LRRIQ1: variants seen among roughly 807,000 people sequenced by gnomAD.
The protein encoded by LRRIQ1 is leucine rich repeats and IQ motif containing 1.
Under a neutral mutation model 211.9 loss-of-function variants are expected in LRRIQ1, and 210 were observed. That is an observed-to-expected ratio of 0.99 (90% CI 0.89 to 1.11). The LOEUF (loss-of-function observed/expected upper bound fraction) is 1.11. LRRIQ1 is among the 50% of genes most tolerant of loss of function. The pLI is 0.00. For synonymous variants in LRRIQ1, 699 were observed against 650.1 expected, an observed-to-expected ratio of 1.08 and a Z score of -1.14; for missense variants, 2,136 against 1,939.5, an observed-to-expected ratio of 1.10 and a Z score of -1.90.
Position 85,044,831 on chromosome 12 carries a change from T to C in LRRIQ1, c.336+22T>C, listed in dbSNP as rs761249819. The C allele has an allele frequency of 6.3e-6, 7 of 1,119,954 alleles. No homozygotes were observed. The East Asian group carries it at 1.8e-4, about 28-fold the overall frequency. 69.4% of individuals were successfully genotyped at this position (1,119,954 alleles called of 1,614,324 possible). On this transcript the variant is annotated intron_variant, in intron 4 of 26. Coordinates refer to ENST00000393217, the MANE Select transcript of LRRIQ1 (RefSeq NM_001079910.2). The stretch of plus-strand genomic sequence containing the variant: ...TAAGGTATATATTCAATATTTGACT[T>C]AAAATATTCACTATTACAATTAGAA...
intron 18 of LRRIQ1, among the ~76,000 whole-genome samples, chr12:85,132,940 C>T (rs756631900): frequency 2.0e-5 from 3 of 151,544 alleles, no homozygotes; most frequent in Non-Finnish European, 4.4e-5. Flanking sequence ...TGATGGTATG[C>T]TCCATAATGG....
At chr12:85,168,093 C>T (rs1311981859) in intron 24 of LRRIQ1, among the ~76,000 whole-genome samples, 1 of 152,150 alleles carries the variant, frequency 6.6e-6, no homozygotes, top group African/African-American at 2.4e-5. Flanking sequence ...GAAGAAAATA[C>T]TCTTGACAAT....
intron 24 of LRRIQ1, among the ~76,000 whole-genome samples, chr12:85,199,306 G>A (rs893888277): frequency 6.6e-6 from 1 of 152,060 alleles, no homozygotes; most frequent in Non-Finnish European, 1.5e-5. Context: ...TAAGGAAGGG[G>A]TCCAGTTTCA....
intron 17 of LRRIQ1, 46 bp downstream of exon 17, chr12:85,124,565 C>T (rs1434977666): frequency 1.4e-6 from 2 of 1,397,250 alleles, no homozygotes; most frequent in Admixed American, 3.5e-5. Context: ...ATGTTTACTC[C>T]TTTTGATGGA....
chr12:85,240,415 A>G (rs1271891871), intron 26 of LRRIQ1, among the ~76,000 whole-genome samples: 1 of 152,178 alleles, frequency 6.6e-6, no homozygotes. Context: ...AAGCTTGTAA[A>G]GACTCTGGTA....
intron 24 of LRRIQ1, among the ~76,000 whole-genome samples, chr12:85,175,280 G>A (rs73165905): frequency 0.011 from 1,626 of 152,268 alleles, 22 homozygotes; most frequent in Non-Finnish European, 0.017. Context: ...GAGATCTCAA[G>A]ATGACAGCTC....
At chr12:85,250,200 G>A (rs1214717148) in intron 1 of LRRIQ1, among the ~76,000 whole-genome samples, 5 of 151,790 alleles carry the variant, frequency 3.3e-5, no homozygotes, top group East Asian at 1.9e-4. Flanking sequence ...TTCTTGCTCC[G>A]TAGTAAGAGG....
downstream of LRRIQ1, among the ~76,000 whole-genome samples, chr12:85,264,839 C>G (rs1395155328): frequency 6.6e-6 from 1 of 152,060 alleles, no homozygotes; most frequent in Non-Finnish European, 1.5e-5. Flanking sequence ...CTCCTGTGCT[C>G]TATATCCTAT....
chr12:85,262,960 C>T, exon 2 of LRRIQ1: 6 of 986,662 alleles, frequency 6.1e-6, no homozygotes, highest in Non-Finnish European at 7.2e-6. Context: ...ATAACAAATA[C>T]AAGACCTTCT....
intron 15 of LRRIQ1, among the ~76,000 whole-genome samples, chr12:85,119,640 G>C (rs900755712): frequency 6.6e-6 from 1 of 152,258 alleles, no homozygotes; most frequent in African/African-American, 2.4e-5. Context: ...ACGAATGTGA[G>C]TTTCTCTTGC....
chr12:85,213,801 T>A (rs192015149), intron 24 of LRRIQ1, among the ~76,000 whole-genome samples: 6 of 151,992 alleles, frequency 3.9e-5, no homozygotes, highest in African/African-American at 1.4e-4. Context: ...TAGACAACAA[T>A]AATTAATGAA....
intron 15 of LRRIQ1, among the ~76,000 whole-genome samples, chr12:85,110,942 G>T (rs1279866892): frequency 1.3e-5 from 2 of 151,976 alleles, no homozygotes; most frequent in Non-Finnish European, 2.9e-5. Flanking sequence ...CCTGTAAGTT[G>T]GGTTCTGTAA....
intron 5 of LRRIQ1, among the ~76,000 whole-genome samples, chr12:85,046,565 G>A (rs867179397): frequency 3.3e-4 from 50 of 152,198 alleles, no homozygotes; most frequent in African/African-American, 1.2e-3. Context: ...CTCGCTTTGG[G>A]AATATGTTAA....
chr12:85,256,037 G>A (rs1418348565), intron 1 of LRRIQ1, among the ~76,000 whole-genome samples: 1 of 151,594 alleles, frequency 6.6e-6, no homozygotes, highest in African/African-American at 2.4e-5. Flanking sequence ...AACATTCTAA[G>A]ACAGTTAAAT....
chr12:85,178,889 G>T (rs925657283), intron 24 of LRRIQ1, among the ~76,000 whole-genome samples: 2 of 149,694 alleles, frequency 1.3e-5, no homozygotes, highest in African/African-American at 4.9e-5. Context: ...ATACAAAAAT[G>T]AGTAGCACAT....
chr12:85,225,337 G>A (rs1592995021), intron 24 of LRRIQ1, among the ~76,000 whole-genome samples: 1 of 151,930 alleles, frequency 6.6e-6, no homozygotes, highest in South Asian at 2.1e-4. Context: ...GGGTACTGAG[G>A]AACAACTATG....
At chr12:85,113,761 T>G (rs1887353247) in intron 15 of LRRIQ1, among the ~76,000 whole-genome samples, 1 of 152,198 alleles carries the variant, frequency 6.6e-6, no homozygotes, top group Non-Finnish European at 1.5e-5. Context: ...GAAACTACAG[T>G]ACTCAGACTT....
chr12:85,145,243 T>G (rs894651105), intron 19 of LRRIQ1, among the ~76,000 whole-genome samples: 3 of 151,562 alleles, frequency 2.0e-5, no homozygotes, highest in African/African-American at 7.3e-5. Context: ...TATTAGAATG[T>G]TTTCAGTTAA....
intron 13 of LRRIQ1, among the ~76,000 whole-genome samples, chr12:85,101,816 T>A (rs1197362083): frequency 2.0e-5 from 3 of 151,776 alleles, no homozygotes; most frequent in Non-Finnish European, 4.4e-5. Context: ...AAGCGTATAT[T>A]TCTTCACTTT....
Sources: gnomAD v4.1 joint callset for allele counts (sites outside exome capture counted in the v4.1 genomes callset) on GRCh38, gnomAD v4.1.1 for gene constraint, MANE v1.5 for transcripts, NCBI Gene and HGNC (gene_info 2026-07-23, HGNC 2026-07-21) for gene names.